The following ABR variants were observed in gnomAD, a reference collection of about 807,000 sequenced individuals.
ABR encodes the protein active breakpoint cluster region-related protein.
In ABR, 35 loss-of-function variants were observed where a neutral mutation model predicts 107.2. That is an observed-to-expected ratio of 0.33 (90% confidence interval 0.25 to 0.43). The LOEUF (loss-of-function observed/expected upper bound fraction) is 0.43, where lower values mean the gene tolerates loss of function less well. ABR is among the 20% of genes least tolerant of loss of function. ABR has a pLI of 1.00. For missense variants in ABR, 815 were observed against 1,115.2 expected (o/e 0.73, Z 3.83); for synonymous variants, 498 against 462.0 (o/e 1.08, Z -1.00).
At chr17:1,203,670 G>C (rs1333504598) in intron 1 of ABR, among the ~76,000 whole-genome samples, 2 of 152,164 alleles carry the variant, frequency 1.3e-5, no homozygotes, top group Non-Finnish European at 2.9e-5. Context: ...CTGAGGTTTC[G>C]GCGGGAGCGG....
rs558907176 is a variant in ABR at position 1,126,092 on chromosome 17, G to T, written c.62-725C>A. ...AAGTTGAGCCGCATTAACCCCCCAG[G>T]GCTGCCAGCACCACTTGGGCTCCAG... On this transcript the variant is annotated intron_variant, in intron 1 of 22. Transcript: ENST00000302538. Among the ~76,000 whole-genome samples, 3 of 152,274 alleles carry T rather than the reference G, an allele frequency of 2.0e-5. No homozygotes were observed. The South Asian group carries it at 6.2e-4, about 32-fold the overall frequency.
At position 1,027,634 on chromosome 17, in the gene ABR, C is replaced by A. The variant is rs2072305677; in HGVS notation, c.1792-14470G>T. 6.6e-6 allele frequency among the ~76,000 whole-genome samples: 1 copy of A among 152,020 alleles called. No individual in the cohort carries two copies. Among genetic ancestry groups the A allele is most frequent in the East Asian group, 1.9e-4 (1 of 5,184 alleles). Reference sequence around the variant, plus strand: ...ACTGCCAACCTGTCAGCCAGCCTGGCCGCAGTCAGGACCCACACATAGGCC... The same window carrying A: ...ACTGCCAACCTGTCAGCCAGCCTGGACGCAGTCAGGACCCACACATAGGCC... On this transcript the variant is annotated intron_variant, in intron 16 of 22. Coordinates refer to ENST00000302538, the MANE Select transcript of ABR (RefSeq NM_021962.5). The surrounding 1 kb of genome is among the most constrained non-coding windows in gnomAD (Gnocchi z 4.7).
intron 1 of ABR, among the ~76,000 whole-genome samples, chr17:1,159,042 G>C (rs1256194170): frequency 6.6e-6 from 1 of 152,224 alleles, no homozygotes; most frequent in Non-Finnish European, 1.5e-5. Context: ...CAGCAGCCTG[G>C]TGAAGCCAAG....
intron 4 of ABR, among the ~76,000 whole-genome samples, chr17:1,089,731 G>A (rs2440029): frequency 0.43 from 64,690 of 152,058 alleles, 14,151 homozygotes; most frequent in East Asian, 0.61. Flanking sequence ...AGGCCGAGGC[G>A]GGCGGATCAC....
rs138373725 is a variant in ABR at position 1,194,714 on chromosome 17, T to C, written c.838+34079A>G. On this transcript the variant is annotated intron_variant, in intron 1 of 22. Coordinates refer to the ABR transcript ENST00000574139. ...TGTTGCCCAGGCTGGAGTGCAGTGGTGCGGTCTCAGCTCACTGCAACCTCC... is the reference window on the plus strand; with the variant it reads ...TGTTGCCCAGGCTGGAGTGCAGTGGCGCGGTCTCAGCTCACTGCAACCTCC... 2.7e-3 allele frequency among the ~76,000 whole-genome samples: 331 copies of C among 121,870 alleles called. 55 individuals are homozygous for C. The highest frequency in any genetic ancestry group is 6.1e-3 in the Admixed American group (60 of 9,814). 80.0% of individuals were successfully genotyped at this position (121,870 alleles called of 152,430 possible).
chr17:1,053,655 G>A (rs1383427302), intron 14 of ABR, among the ~76,000 whole-genome samples: 5 of 152,044 alleles, frequency 3.3e-5, no homozygotes, highest in Admixed American at 2.6e-4. Context: ...AGACATATGA[G>A]TGGGTCAGGG....
In ABR at chr17:1,194,715, G is replaced by A. The variant is rs568159074; in HGVS notation, c.838+34078C>T. Among the ~76,000 whole-genome samples, 163 of 120,214 alleles carry A rather than the reference G, an allele frequency of 1.4e-3. 18 individuals carry two copies. Among genetic ancestry groups the A allele is most frequent in the African/African-American group, 4.2e-3 (151 of 35,678 alleles). The allele number at this position is 120,214 out of a possible 152,430, so 78.9% of individuals were successfully genotyped here. ...GTTGCCCAGGCTGGAGTGCAGTGGTGCGGTCTCAGCTCACTGCAACCTCCA... is the reference window on the plus strand; with the variant it reads ...GTTGCCCAGGCTGGAGTGCAGTGGTACGGTCTCAGCTCACTGCAACCTCCA... On this transcript the variant is annotated intron_variant, in intron 1 of 22. Transcript: ENST00000574139.
intron 1 of ABR, among the ~76,000 whole-genome samples, chr17:1,222,182 A>G (rs547929456): frequency 1.3e-3 from 203 of 151,240 alleles, no homozygotes; most frequent in Middle Eastern, 3.4e-3. Flanking sequence ...CTCCTGCCTC[A>G]GCCTCCCAAG....
Position 1,085,406 on chromosome 17 carries a change from G to A in ABR, c.532-1779C>T, listed in dbSNP as rs144351032. Among the ~76,000 whole-genome samples the A allele has an allele frequency of 3.5e-3, 528 of 152,232 alleles. 3 individuals carry two copies. Among genetic ancestry groups the A allele is most frequent in the African/African-American group, 0.012 (485 of 41,538 alleles). On this transcript the variant is annotated intron_variant, in intron 4 of 22. Transcript: ENST00000302538. ...GCTGGGATTACAGGCGTGAGCCACC[G>A]CGCCCGGCCAATTTAAACTCTTAGA...
chr17:1,147,146 G>T (rs2040589185), intron 1 of ABR, among the ~76,000 whole-genome samples: 2 of 152,212 alleles, frequency 1.3e-5, no homozygotes. Flanking sequence ...TTTCACGGCT[G>T]AACAGTGAAA....
chr17:1,073,179 C>CAA (rs35495689), intron 7 of ABR, among the ~76,000 whole-genome samples: 555 of 52,406 alleles, frequency 0.011, 5 homozygotes, highest in African/African-American at 0.018. Flanking sequence ...GACTCCGCCT[C>CAA]AAAAAAAAAA....
intron 4 of ABR, among the ~76,000 whole-genome samples, chr17:1,085,792 G>A (rs868732225): frequency 2.0e-5 from 3 of 152,050 alleles, no homozygotes; most frequent in Non-Finnish European, 4.4e-5. Context: ...TTGGATCTGC[G>A]GGAATAAATA....
At chr17:1,024,691 T>G (rs1460827372) in intron 16 of ABR, among the ~76,000 whole-genome samples, 3 of 131,842 alleles carry the variant, frequency 2.3e-5, no homozygotes, top group Admixed American at 8.2e-5. Flanking sequence ...GAGGCTGAGG[T>G]GGGAGGATTG....
In ABR at chr17:1,210,185, T is replaced by C. The variant is rs1327480538; in HGVS notation, c.838+18608A>G. 6.6e-6 allele frequency among the ~76,000 whole-genome samples: 1 copy of C among 152,198 alleles called. No individual in the cohort carries two copies. Among genetic ancestry groups the C allele is most frequent in the Non-Finnish European group, 1.5e-5 (1 of 68,030 alleles). On this transcript the variant is annotated intron_variant, in intron 1 of 22. Transcript: ENST00000574139. The surrounding 1 kb of genome is among the most constrained non-coding windows in gnomAD (Gnocchi z 5.6). ...AAGCTCAGCCCAGCTGTGTTGGTAC[T>C]GTGGGGGCTGTCACTTTTTACCTGC...
At chr17:1,185,726 C>T (rs913667428) in intron 1 of ABR, among the ~76,000 whole-genome samples, 10 of 151,408 alleles carry the variant, frequency 6.6e-5, no homozygotes, top group African/African-American at 2.4e-4. Context: ...TCCAGGCCTC[C>T]TATGAGCACT....
At chr17:1,137,117 C>T (rs765394283) in intron 1 of ABR, among the ~76,000 whole-genome samples, 10 of 151,918 alleles carry the variant, frequency 6.6e-5, no homozygotes, top group Non-Finnish European at 1.3e-4. Flanking sequence ...AATCTCAGCT[C>T]ACTGCAACCT....
chr17:1,131,013 C>T (rs1233254758), intron 1 of ABR, among the ~76,000 whole-genome samples: 2 of 152,260 alleles, frequency 1.3e-5, no homozygotes, highest in African/African-American at 4.8e-5. Context: ...CATTAAGCCA[C>T]AAATGCAGCG....
chr17:1,012,625 G>GGA, intron 18 of ABR, 63 bp downstream of exon 18: 1 of 1,265,108 alleles, frequency 7.9e-7, no homozygotes, highest in Non-Finnish European at 1.1e-6. Flanking sequence ...GGGCTGGGGG[G>GGA]CCCGGGCTGG....
At chr17:1,085,106 A>C (rs1217521223) in intron 4 of ABR, among the ~76,000 whole-genome samples, 1 of 122,428 alleles carries the variant, frequency 8.2e-6, no homozygotes, top group Non-Finnish European at 1.7e-5. Context: ...CCGGCCAATT[A>C]AAACTTTTTT....
Sources: gnomAD v4.1 joint callset for allele counts (sites outside exome capture counted in the v4.1 genomes callset) on GRCh38, gnomAD v4.1.1 for gene constraint, Gnocchi (gnomAD v3.1) non-coding constraint, MANE v1.5 for transcripts, NCBI Gene and HGNC (gene_info 2026-07-23, HGNC 2026-07-21) for gene names.